The following IL12A variants were observed in gnomAD, a reference collection of about 807,000 sequenced individuals.
IL12A encodes the protein interleukin 12A.
A neutral mutation model predicts 23.5 loss-of-function variants in IL12A; 16 were observed. The observed-to-expected ratio is 0.68, with a 90% confidence interval of 0.46 to 1.03. IL12A has a LOEUF of 1.03. Among genes scored for constraint, IL12A ranks in the 50% least tolerant of loss-of-function variants. The pLI is 0.00. For synonymous variants in IL12A, 106 were observed against 111.5 expected, an observed-to-expected ratio of 0.95 and a Z score of 0.31; for missense variants, 275 against 307.0, an observed-to-expected ratio of 0.90 and a Z score of 0.78.
Position 159,995,828 on chromosome 3 carries a change from G to A in IL12A, c.*269G>A. On this transcript the variant is annotated 3_prime_UTR_variant, in exon 7 of 7. Transcript: ENST00000305579. The stretch of plus-strand genomic sequence containing the variant: ...GGGCAAATATTTATAAGCTATTTCT[G>A]TACCAAAGTGTTTGTGGAAACAAAC... 4.3e-6 allele frequency: 1 copy of A among 234,778 alleles called. No individual in the cohort carries two copies. Among genetic ancestry groups the A allele is most frequent in the Non-Finnish European group, 8.1e-6 (1 of 122,706 alleles). 14.5% of individuals were successfully genotyped at this position (234,778 alleles called of 1,614,324 possible). A position where few individuals can be genotyped will look rare whatever the true frequency, so the allele number is the denominator to read the frequency against.
Position 159,988,964 on chromosome 3 carries a change from A to G in IL12A, c.-93A>G, listed in dbSNP as rs1252611237. The stretch of plus-strand genomic sequence containing the variant: ...GCCGGCCGCACCGCACGTGTCACCG[A>G]GAAGCTGATGTAGAGAGAGACACAG... On this transcript the variant is annotated 5_prime_UTR_variant, in exon 1 of 7. Transcript: ENST00000305579. 3.7e-6 allele frequency: 4 copies of G among 1,075,988 alleles called. No individual in the cohort carries two copies. The highest frequency in any genetic ancestry group is 4.2e-6 in the Non-Finnish European group (3 of 707,418). The allele number at this position is 1,075,988 out of a possible 1,614,324, so 66.7% of individuals were successfully genotyped here.
At chr3:159,989,239 G>C in intron 1 of IL12A, 65 bp downstream of exon 1, 1 of 1,303,950 alleles carries the variant, frequency 7.7e-7, no homozygotes, top group East Asian at 2.3e-5. Flanking sequence ...CTTGGGAAGA[G>C]TGGGTAGAAA....
chr3:159,993,135 AT>A lies in IL12A; in HGVS notation c.378+14del. The A allele has an allele frequency of 7.1e-7, 1 of 1,409,038 alleles. No homozygotes were observed. The highest frequency in any genetic ancestry group is 1.0e-6 in the Non-Finnish European group (1 of 996,510). The allele number at this position is 1,409,038 out of a possible 1,614,324, so 87.3% of individuals were successfully genotyped here. ...ATTGGAATTAACCAAGGTATAAAGGATTTTCCTCCCAGAGCATGCAGTGTGG... is the reference window on the plus strand; with the variant it reads ...ATTGGAATTAACCAAGGTATAAAGGATTTCCTCCCAGAGCATGCAGTGTGG... On this transcript the variant is annotated intron_variant, in intron 3 of 6. Coordinates refer to ENST00000305579, the MANE Select transcript of IL12A (RefSeq NM_000882.4).
chr3:159,992,949 C>G, intron 2 of IL12A, 63 bp from the exon 3 acceptor site: 1 of 978,868 alleles, frequency 1.0e-6, no homozygotes, highest in Non-Finnish European at 1.6e-6. Flanking sequence ...GGCTTACCAG[C>G]CTTGTGGGGT....
chr3:159,990,827 T>C (rs998963446), intron 2 of IL12A, among the ~76,000 whole-genome samples: 15 of 152,230 alleles, frequency 9.9e-5, no homozygotes, highest in Non-Finnish European at 1.5e-5. Flanking sequence ...CTTCATTTTC[T>C]AGGGAAGAGT....
chr3:159,993,099 G>T lies in IL12A; in HGVS notation c.352G>T (p.Ala118Ser). The change falls in exon 3 of 7, where the codon GCC becomes TCC. Residue 118 changes from alanine (A) to serine (S), a missense_variant. By Grantham distance (99) the Ala-to-Ser change is moderately conservative. Transcript: ENST00000305579. Reference sequence around the variant, plus strand: ...AAAAGATAAAACCAGCACAGTGGAGGCCTGTTTACCATTGGAATTAACCAA... The same window carrying T: ...AAAAGATAAAACCAGCACAGTGGAGTCCTGTTTACCATTGGAATTAACCAA... The T allele has an allele frequency of 6.3e-7, 1 of 1,595,682 alleles. No individual in the cohort carries two copies. The highest frequency in any genetic ancestry group is 2.2e-5 in the East Asian group (1 of 44,782).
In IL12A at chr3:159,995,418, C is replaced by T; in HGVS notation, c.621C>T (p.Asn207=). The T allele has an allele frequency of 1.2e-6, 2 of 1,603,238 alleles. No individual in the cohort carries two copies. The highest frequency in any genetic ancestry group is 1.3e-5 in the African/African-American group (1 of 74,486). ...CATTCTCCTAGGCCCTGAATTTCAACAGTGAGACTGTGCCACAAAAATCCT... is the reference window on the plus strand; with the variant it reads ...CATTCTCCTAGGCCCTGAATTTCAATAGTGAGACTGTGCCACAAAAATCCT... The change falls in exon 7 of 7, where the codon AAC becomes AAT. Residue 207 remains asparagine (N), a synonymous_variant. Transcript: ENST00000305579.
At chr3:159,990,379 C>T (rs1720259895) in intron 2 of IL12A, 67 bp downstream of exon 2, 1 of 1,471,498 alleles carries the variant, frequency 6.8e-7, no homozygotes, top group South Asian at 1.2e-5. Flanking sequence ...TCTGATCCTC[C>T]CCTCTGGTAC....
intron 2 of IL12A, among the ~76,000 whole-genome samples, chr3:159,991,904 A>G (rs969818168): frequency 5.3e-5 from 8 of 152,126 alleles, no homozygotes; most frequent in African/African-American, 1.4e-4. Flanking sequence ...CACTGCTTAC[A>G]CTGGATTCAC....
chr3:159,994,579 C>CGTGTGTGTGTGTGTGT (rs60659167), intron 6 of IL12A, among the ~76,000 whole-genome samples: 65 of 135,736 alleles, frequency 4.8e-4, no homozygotes, highest in Admixed American at 1.4e-3. Context: ...TTATTCTTTT[C>CGTGTGTGTGTGTGTGT]GTGTGTGTGT....
chr3:159,994,508 G>A (rs762042223), intron 6 of IL12A, among the ~76,000 whole-genome samples: 2 of 151,940 alleles, frequency 1.3e-5, no homozygotes, highest in Admixed American at 1.3e-4. Flanking sequence ...CTTTGGTGAC[G>A]AGGACATGGG....
At chr3:159,991,437 C>G (rs1470377613) in intron 2 of IL12A, among the ~76,000 whole-genome samples, 2 of 152,238 alleles carry the variant, frequency 1.3e-5, no homozygotes, top group East Asian at 3.9e-4. Context: ...ATTCAAAAAC[C>G]AAACATTTCA....
intron 2 of IL12A, among the ~76,000 whole-genome samples, chr3:159,992,485 T>C (rs1720353726): frequency 6.6e-6 from 1 of 152,210 alleles, no homozygotes; most frequent in Admixed American, 6.5e-5. Context: ...TTCATAATTT[T>C]ACCCAACGGT....
chr3:159,995,445 C>T lies in IL12A; in HGVS notation c.648C>T (p.Ser216=), dbSNP rs1355599036. The T allele has an allele frequency of 1.2e-6, 2 of 1,607,700 alleles. No individual in the cohort carries two copies. The highest frequency in any genetic ancestry group is 2.2e-5 in the South Asian group (2 of 89,502). The change falls in exon 7 of 7, where the codon TCC becomes TCT. Residue 216 remains serine (S), a synonymous_variant. Transcript: ENST00000305579. The stretch of plus-strand genomic sequence containing the variant: ...GTGAGACTGTGCCACAAAAATCCTC[C>T]CTTGAAGAACCGGATTTTTATAAAA...
Position 159,993,839 on chromosome 3 carries a change from A to T in IL12A, c.601A>T (p.Met201Leu). 6.2e-7 allele frequency: 1 copy of T among 1,614,110 alleles called. No individual in the cohort carries two copies. The highest frequency in any genetic ancestry group is 8.5e-7 in the Non-Finnish European group (1 of 1,179,980). ...CATGCTGGCAGTTATTGATGAGCTG[A>T]TGCAGGTAAGACTTCATTCTATCAG... Residue 201 changes from methionine (M) to leucine (L), a missense_variant, in exon 6 of 7, where the codon ATG (methionine) becomes TTG (leucine). Physicochemically the swap from Met to Leu is conservative, Grantham distance 15. Coordinates refer to ENST00000305579, the MANE Select transcript of IL12A (RefSeq NM_000882.4).
At chr3:159,990,465 C>A in intron 2 of IL12A, 153 bp downstream of exon 2, 1 of 713,900 alleles carries the variant, frequency 1.4e-6, no homozygotes, top group Non-Finnish European at 2.3e-6. Context: ...TACAAATGGC[C>A]CAAGTGTTAA....
At chr3:159,992,910 G>A in intron 2 of IL12A, 102 bp from the exon 3 acceptor site, 1 of 637,436 alleles carries the variant, frequency 1.6e-6, no homozygotes. Context: ...GAGGTCAAGG[G>A]CAGCCAGCCG....
chr3:159,989,030 C>A lies in IL12A; in HGVS notation c.-27C>A. ...AAGAGACCAGAGTCCCGGGAAAGTC[C>A]TGCCGCGCCTCGGGACAATTATAAA... On this transcript the variant is annotated 5_prime_UTR_variant, in exon 1 of 7. In the 5' UTR this introduces an upstream ATG that the reference lacks. Coordinates refer to ENST00000305579, the MANE Select transcript of IL12A (RefSeq NM_000882.4). The A allele has an allele frequency of 6.4e-7, 1 of 1,570,028 alleles. No individual in the cohort carries two copies. The highest frequency in any genetic ancestry group is 8.8e-7 in the Non-Finnish European group (1 of 1,140,336).
intron 5 of IL12A, 39 bp downstream of exon 5, chr3:159,993,648 A>G: frequency 6.2e-7 from 1 of 1,614,126 alleles, no homozygotes; most frequent in Non-Finnish European, 8.5e-7. Context: ...CAATGGGGGA[A>G]ATGTTTTTAG....
Sources: gnomAD v4.1 joint callset for allele counts (sites outside exome capture counted in the v4.1 genomes callset) on GRCh38, gnomAD v4.1.1 for gene constraint, MANE v1.5 for transcripts, NCBI Gene and HGNC (gene_info 2026-07-23, HGNC 2026-07-21) for gene names.